AGMO: variants seen among roughly 807,000 people sequenced by gnomAD.
AGMO encodes the protein alkylglycerol monooxygenase.
Under a neutral mutation model 60.2 loss-of-function variants are expected in AGMO, and 75 were observed. The observed-to-expected ratio is 1.25, with a 90% confidence interval of 1.03 to 1.51. The LOEUF (loss-of-function observed/expected upper bound fraction) is 1.51. AGMO is among the 40% of genes most tolerant of loss of function. The probability of loss-of-function intolerance (pLI) is 0.00; values close to 1 mark genes in which losing one functional copy is unlikely to be tolerated. For synonymous variants in AGMO, 261 were observed against 177.1 expected, an observed-to-expected ratio of 1.47 and a Z score of -3.76; for missense variants, 763 against 525.5, an observed-to-expected ratio of 1.45 and a Z score of -4.42.
chr7:15,381,352 T>A (rs1466422984), intron 10 of AGMO, among the ~76,000 whole-genome samples: 1 of 150,654 alleles, frequency 6.6e-6, no homozygotes, highest in African/African-American at 2.4e-5. Context: ...AGCAATCCCA[T>A]AAAAAAGTGG....
At chr7:15,485,794 T>G (rs1418099696) in intron 3 of AGMO, among the ~76,000 whole-genome samples, 2 of 151,982 alleles carry the variant, frequency 1.3e-5, no homozygotes, top group African/African-American at 2.4e-5. Flanking sequence ...AGGATAATTT[T>G]TGTTTACCAA....
chr7:15,122,854 A>G, the AGMO span, among the ~76,000 whole-genome samples: 1 of 152,068 alleles, frequency 6.6e-6, no homozygotes, highest in Non-Finnish European at 1.5e-5. Flanking sequence ...TTCTGCTTTA[A>G]CAGAGTGGCC....
chr7:15,215,643 T>C (rs1416595217), intron 12 of AGMO, among the ~76,000 whole-genome samples: 2 of 152,216 alleles, frequency 1.3e-5, no homozygotes, highest in East Asian at 3.9e-4. Flanking sequence ...AACTTGTCTT[T>C]GTGAAAACTA....
At chr7:15,493,507 G>A (rs531149571) in intron 3 of AGMO, among the ~76,000 whole-genome samples, 2 of 150,546 alleles carry the variant, frequency 1.3e-5, no homozygotes, top group East Asian at 3.9e-4. Flanking sequence ...CCGCGTAGCT[G>A]GGTCTGCAGG....
rs376062638 is a variant in AGMO, at chr7:15,296,593, CTTAT to C, written c.1263+68917_1263+68920del. On this transcript the variant is annotated intron_variant, in intron 12 of 12. Transcript: ENST00000342526. ...GGTTTACATCATGGTTTTTATCCTC[CTTAT>C]TTAATAGTATAAATAACATTTGTAA... Among the ~76,000 whole-genome samples, 538 of 152,140 alleles carry C rather than the reference CTTAT, an allele frequency of 3.5e-3. 2 individuals are homozygous for C. The highest frequency in any genetic ancestry group is 0.012 in the African/African-American group (513 of 41,500).
At chr7:15,541,760 C>A (rs944299941) in intron 3 of AGMO, among the ~76,000 whole-genome samples, 1 of 152,136 alleles carries the variant, frequency 6.6e-6, no homozygotes, top group Non-Finnish European at 1.5e-5. Context: ...AACAACAAAT[C>A]TAGCAATGAT....
intron 12 of AGMO, among the ~76,000 whole-genome samples, chr7:15,300,944 A>C (rs771605350): frequency 2.6e-5 from 4 of 152,140 alleles, no homozygotes; most frequent in Non-Finnish European, 5.9e-5. Flanking sequence ...ATCACTAAGG[A>C]ATCAGCTGAA....
chr7:15,540,016 G>A (rs1425950522), intron 3 of AGMO, among the ~76,000 whole-genome samples: 1 of 152,166 alleles, frequency 6.6e-6, no homozygotes, highest in Non-Finnish European at 1.5e-5. Context: ...ATAAGGAAAA[G>A]TTAATATAAG....
At chr7:15,424,550 A>G (rs914803642) in intron 4 of AGMO, among the ~76,000 whole-genome samples, 1 of 152,188 alleles carries the variant, frequency 6.6e-6, no homozygotes, top group African/African-American at 2.4e-5. Flanking sequence ...TTTTTACCAA[A>G]TTTCAAAATG....
intron 10 of AGMO, among the ~76,000 whole-genome samples, chr7:15,368,753 G>A (rs886693757): frequency 6.6e-6 from 1 of 152,086 alleles, no homozygotes; most frequent in African/African-American, 2.4e-5. Context: ...AGCTCTTCCA[G>A]ATGTCACAGG....
intron 3 of AGMO, among the ~76,000 whole-genome samples, chr7:15,504,361 T>A (rs368586176): frequency 1.3e-5 from 2 of 152,132 alleles, no homozygotes; most frequent in African/African-American, 4.8e-5. Context: ...GTTCCAAGCC[T>A]GGCCTTCTCT....
intron 3 of AGMO, among the ~76,000 whole-genome samples, chr7:15,461,799 TGAA>T (rs1284563019): frequency 6.6e-6 from 1 of 152,082 alleles, no homozygotes; most frequent in Non-Finnish European, 1.5e-5. Flanking sequence ...TGTATATACT[TGAA>T]GAAGTATAGT....
intron 5 of AGMO, among the ~76,000 whole-genome samples, chr7:15,413,467 C>T (rs557849425): frequency 6.6e-6 from 1 of 152,148 alleles, no homozygotes; most frequent in South Asian, 2.1e-4. Context: ...ATTTTCAAAG[C>T]ACATACTTGT....
chr7:15,352,961 T>C (rs1322548020), intron 12 of AGMO, among the ~76,000 whole-genome samples: 3 of 152,110 alleles, frequency 2.0e-5, no homozygotes. Context: ...GCGGCCATCT[T>C]GTTACTGCAT....
At chr7:15,279,589 C>G (rs4624927) in intron 12 of AGMO, among the ~76,000 whole-genome samples, 36,392 of 152,052 alleles carry the variant, frequency 0.24, 9,200 homozygotes, top group African/African-American at 0.64. Context: ...GAAAGACAAA[C>G]TGGTGTGTAG....
chr7:15,540,697 T>A (rs1431399532), intron 3 of AGMO, among the ~76,000 whole-genome samples: 1 of 152,222 alleles, frequency 6.6e-6, no homozygotes, highest in African/African-American at 2.4e-5. Flanking sequence ...AAAAACTGTA[T>A]AAGGTCACAT....
intron 10 of AGMO, among the ~76,000 whole-genome samples, chr7:15,382,950 T>A (rs1783754104): frequency 6.6e-6 from 1 of 152,120 alleles, no homozygotes; most frequent in Non-Finnish European, 1.5e-5. Flanking sequence ...CATTTGTTAT[T>A]TTTGCCTACT....
intron 3 of AGMO, among the ~76,000 whole-genome samples, chr7:15,454,093 C>T (rs1414420058): frequency 6.7e-6 from 1 of 150,042 alleles, no homozygotes; most frequent in African/African-American, 2.4e-5. Context: ...TGGAATGTTA[C>T]CTTATCCTCA....
chr7:15,397,220 C>T (rs974370846), intron 5 of AGMO, among the ~76,000 whole-genome samples: 3 of 152,186 alleles, frequency 2.0e-5, no homozygotes, highest in Non-Finnish European at 2.9e-5. Flanking sequence ...GCCTACGACC[C>T]CGCGAAGAGG....
Sources: gnomAD v4.1 joint callset for allele counts (sites outside exome capture counted in the v4.1 genomes callset) on GRCh38, gnomAD v4.1.1 for gene constraint, MANE v1.5 for transcripts, NCBI Gene and HGNC (gene_info 2026-07-23, HGNC 2026-07-21) for gene names.